The following NAA11 variants were observed in gnomAD, a reference collection of about 807,000 sequenced individuals.
The protein encoded by NAA11 is N-alpha-acetyltransferase 11, NatA catalytic subunit.
A neutral mutation model predicts 16.1 loss-of-function variants in NAA11; 15 were observed. The observed-to-expected ratio is 0.93, with a 90% CI of 0.62 to 1.44. The LOEUF is 1.44. Among genes scored for constraint, NAA11 ranks in the 40% most tolerant of loss-of-function variants. NAA11 has a pLI of 0.00. For missense variants in NAA11, 298 were observed against 291.3 expected (o/e 1.02, Z -0.17); for synonymous variants, 122 against 112.4 (o/e 1.09, Z -0.54).
At chr4:79,187,449 C>T in the NAA11 span, among the ~76,000 whole-genome samples, 1 of 152,158 alleles carries the variant, frequency 6.6e-6, no homozygotes, top group Admixed American at 6.5e-5. Flanking sequence ...AAAAATTTTA[C>T]ATGGAGAAAA....
At chr4:79,171,200 C>G in the NAA11 span, among the ~76,000 whole-genome samples, 1 of 152,156 alleles carries the variant, frequency 6.6e-6, no homozygotes, top group Non-Finnish European at 1.5e-5. Flanking sequence ...GTGATTAGGT[C>G]ATAAGGGCTC....
At chr4:79,219,136 A>T in the NAA11 span, among the ~76,000 whole-genome samples, 1 of 152,172 alleles carries the variant, frequency 6.6e-6, no homozygotes, top group African/African-American at 2.4e-5. Context: ...TTAAATTGAA[A>T]CAAGATTTTA....
At chr4:79,263,449 A>G (rs918512612) in intron 2 of NAA11, among the ~76,000 whole-genome samples, 6 of 152,188 alleles carry the variant, frequency 3.9e-5, no homozygotes, top group Non-Finnish European at 5.9e-5. Context: ...GAACAAAAAG[A>G]AAGCATTGAG....
chr4:79,187,860 A>G, the NAA11 span, among the ~76,000 whole-genome samples: 82 of 151,546 alleles, frequency 5.4e-4, no homozygotes, highest in East Asian at 9.7e-4. Flanking sequence ...TTAGCCGGGC[A>G]CGGTGGCGGG....
At chr4:79,291,297 A>AT (rs11397895) in intron 2 of NAA11, among the ~76,000 whole-genome samples, 66,060 of 151,272 alleles carry the variant, frequency 0.44, 14,853 homozygotes, top group Middle Eastern at 0.53. Context: ...TCCTGTCTCT[A>AT]CAAAAAAACG....
chr4:79,298,718 G>A (rs1186883434), intron 1 of NAA11, among the ~76,000 whole-genome samples: 1 of 152,200 alleles, frequency 6.6e-6, no homozygotes, highest in African/African-American at 2.4e-5. Context: ...TGGCAAGCAT[G>A]AGACCCAGAC....
chr4:79,161,562 G>A, the NAA11 span, among the ~76,000 whole-genome samples: 2 of 152,172 alleles, frequency 1.3e-5, no homozygotes, highest in Non-Finnish European at 2.9e-5. Flanking sequence ...CAAAACAGGA[G>A]GTTGAGATAT....
chr4:79,246,311 A>G (rs1462793518), intron 2 of NAA11, among the ~76,000 whole-genome samples: 3 of 149,594 alleles, frequency 2.0e-5, no homozygotes, highest in Non-Finnish European at 4.4e-5. Flanking sequence ...CCTTCTCTCC[A>G]CTATTGTCCT....
At chr4:79,283,354 A>T (rs1426004368) in intron 2 of NAA11, among the ~76,000 whole-genome samples, 1 of 152,090 alleles carries the variant, frequency 6.6e-6, no homozygotes, top group African/African-American at 2.4e-5. Flanking sequence ...TAATAATGTC[A>T]TAATTACGGA....
chr4:79,174,360 A>AG, the NAA11 span, among the ~76,000 whole-genome samples: 6 of 152,084 alleles, frequency 3.9e-5, no homozygotes, highest in Non-Finnish European at 5.9e-5. Context: ...GCAAAGTGAG[A>AG]GGGGGGTGGG....
chr4:79,320,304 A>G (rs539745463), intron 1 of NAA11, among the ~76,000 whole-genome samples: 1 of 152,356 alleles, frequency 6.6e-6, no homozygotes, highest in Admixed American at 6.5e-5. Flanking sequence ...GCTCATACAC[A>G]ACATTCTATC....
intron 1 of NAA11, among the ~76,000 whole-genome samples, chr4:79,311,491 TTCTA>T (rs1424490362): frequency 6.6e-6 from 1 of 152,222 alleles, no homozygotes; most frequent in Non-Finnish European, 1.5e-5. Flanking sequence ...GAATTCAGAT[TTCTA>T]TCATCTGCTG....
At chr4:79,256,275 A>C (rs924733457) in intron 2 of NAA11, among the ~76,000 whole-genome samples, 1 of 151,796 alleles carries the variant, frequency 6.6e-6, no homozygotes, top group African/African-American at 2.4e-5. Flanking sequence ...TATTTATTTC[A>C]CGTATTTTAA....
chr4:79,234,348 G>C (rs1339309986), intron 2 of NAA11, among the ~76,000 whole-genome samples: 1 of 152,060 alleles, frequency 6.6e-6, no homozygotes, highest in African/African-American at 2.4e-5. Context: ...AAGTTCAGTG[G>C]CTTTCTATTT....
At chr4:79,280,624 C>G (rs1335575899) in intron 2 of NAA11, among the ~76,000 whole-genome samples, 1 of 151,594 alleles carries the variant, frequency 6.6e-6, no homozygotes, top group Non-Finnish European at 1.5e-5. Context: ...TTTTGAGAGT[C>G]AGTTTCTGTT....
chr4:79,211,108 A>G, the NAA11 span, among the ~76,000 whole-genome samples: 3 of 152,152 alleles, frequency 2.0e-5, no homozygotes, highest in African/African-American at 7.2e-5. Flanking sequence ...GTTTCTTTAA[A>G]CCTTTTGATT....
chr4:79,290,895 T>A (rs1723064193), intron 2 of NAA11, among the ~76,000 whole-genome samples: 1 of 152,210 alleles, frequency 6.6e-6, no homozygotes, highest in South Asian at 2.1e-4. Context: ...TTTCTCTGAA[T>A]GTAAATCTCT....
At chr4:79,176,259 T>C in the NAA11 span, among the ~76,000 whole-genome samples, 1 of 152,210 alleles carries the variant, frequency 6.6e-6, no homozygotes, top group Non-Finnish European at 1.5e-5. Context: ...AAATCAGTTA[T>C]AGAAGTAGAT....
At chr4:79,258,155 G>A (rs1490405716) in intron 2 of NAA11, among the ~76,000 whole-genome samples, 1 of 152,244 alleles carries the variant, frequency 6.6e-6, no homozygotes. Context: ...TCAGCTACAG[G>A]CCTCCCTGTG....
Sources: allele counts gnomAD v4.1 joint callset (sites outside exome capture counted in the v4.1 genomes callset), GRCh38; gene constraint gnomAD v4.1.1; transcripts MANE v1.5; gene names NCBI Gene and HGNC (gene_info 2026-07-23, HGNC 2026-07-21).